The following MARCHF1 variants were observed in gnomAD, a reference collection of about 807,000 sequenced individuals.
MARCHF1 encodes the protein membrane associated ring-CH-type finger 1.
A neutral mutation model predicts 54.2 loss-of-function variants in MARCHF1; 40 were observed. The observed-to-expected ratio is 0.74, with a 90% CI of 0.57 to 0.96. The LOEUF is 0.96. MARCHF1 is among the 40% of genes least tolerant of loss of function. The pLI, the probability that MARCHF1 is intolerant of heterozygous loss-of-function variation, is 0.00. For missense variants in MARCHF1, 586 were observed against 656.5 expected, an observed-to-expected ratio of 0.89 and a Z score of 1.17; for synonymous variants, 236 against 236.3, an observed-to-expected ratio of 1.00 and a Z score of 0.01.
In MARCHF1 at chr4:163,701,360, T is replaced by G. The variant is rs956738519; in HGVS notation, c.112-497A>C. 7.9e-5 allele frequency among the ~76,000 whole-genome samples: 12 copies of G among 152,296 alleles called. No homozygotes were observed. In the East Asian group the frequency reaches 2.3e-3, roughly 29 times the overall value. On this transcript the variant is annotated intron_variant, in intron 4 of 9. Coordinates refer to ENST00000514618, the MANE Select transcript of MARCHF1 (RefSeq NM_001394959.1). ...TTTACATACTCTGAAATTAAAACAT[T>G]TACTTTTTAAAATTTAAGATGCTTC... is the stretch of plus-strand genomic sequence containing the variant.
chr4:163,967,558 G>C (rs768665509), intron 3 of MARCHF1, among the ~76,000 whole-genome samples: 2 of 152,040 alleles, frequency 1.3e-5, no homozygotes, highest in Admixed American at 6.6e-5. Context: ...CCAGTTTCTC[G>C]GGTTCCCTTT....
intron 5 of MARCHF1, among the ~76,000 whole-genome samples, chr4:163,620,648 C>G (rs991496812): frequency 9.6e-5 from 14 of 145,106 alleles, no homozygotes; most frequent in African/African-American, 1.8e-4. Flanking sequence ...GAGAGAGAGA[C>G]ACGCACACAC....
chr4:163,890,124 C>T (rs1750628469), intron 3 of MARCHF1, among the ~76,000 whole-genome samples: 1 of 147,132 alleles, frequency 6.8e-6, no homozygotes, highest in South Asian at 2.1e-4. Flanking sequence ...TTAGTAGAGA[C>T]AGGGTTTCAC....
intron 3 of MARCHF1, among the ~76,000 whole-genome samples, chr4:163,929,997 A>C: frequency 8.0e-6 from 1 of 125,314 alleles, no homozygotes; most frequent in Admixed American, 9.0e-5. Context: ...TATATAATAT[A>C]TTATATATAA....
chr4:164,041,686 T>C (rs978354724), intron 2 of MARCHF1, among the ~76,000 whole-genome samples: 9 of 152,166 alleles, frequency 5.9e-5, no homozygotes, highest in Non-Finnish European at 1.2e-4. Context: ...GGGAAAATAA[T>C]TATAAATGCT....
chr4:164,043,264 T>A (rs57299418), intron 2 of MARCHF1, among the ~76,000 whole-genome samples: 17,141 of 152,236 alleles, frequency 0.11, 1,098 homozygotes, highest in Middle Eastern at 0.22. Flanking sequence ...AGCAGACTTC[T>A]GCCTGGACAT....
chr4:163,765,336 C>T (rs562568066), intron 4 of MARCHF1, among the ~76,000 whole-genome samples: 1 of 152,006 alleles, frequency 6.6e-6, no homozygotes, highest in Non-Finnish European at 1.5e-5. Context: ...TATCAATGTA[C>T]AAAAGAAAAC....
At chr4:163,595,526 T>C (rs1348493075) in intron 7 of MARCHF1, among the ~76,000 whole-genome samples, 1 of 151,968 alleles carries the variant, frequency 6.6e-6, no homozygotes, top group Non-Finnish European at 1.5e-5. Flanking sequence ...CCAAAAAATG[T>C]GGTATATATA....
chr4:163,849,911 T>C (rs1209355051), intron 4 of MARCHF1, among the ~76,000 whole-genome samples: 1 of 152,136 alleles, frequency 6.6e-6, no homozygotes, highest in Non-Finnish European at 1.5e-5. Flanking sequence ...TACTAAGTTA[T>C]TACCTCTCGG....
At chr4:164,338,006 G>A (rs1229293513) in intron 1 of MARCHF1, among the ~76,000 whole-genome samples, 1 of 152,074 alleles carries the variant, frequency 6.6e-6, no homozygotes, top group Non-Finnish European at 1.5e-5. Flanking sequence ...TGCTCTCACA[G>A]AACTCTAATA....
At chr4:164,144,652 T>G (rs988997563) in intron 1 of MARCHF1, among the ~76,000 whole-genome samples, 1 of 136,262 alleles carries the variant, frequency 7.3e-6, no homozygotes, top group African/African-American at 3.1e-5. Flanking sequence ...TACCAGAATC[T>G]CTGGGACGCA....
intron 2 of MARCHF1, among the ~76,000 whole-genome samples, chr4:164,105,401 T>G (rs1013868201): frequency 6.6e-6 from 1 of 151,138 alleles, no homozygotes; most frequent in African/African-American, 2.4e-5. Context: ...AGCATGGTAC[T>G]GGTACCAAAA....
At chr4:163,611,012 T>C (rs1741321983) in intron 7 of MARCHF1, among the ~76,000 whole-genome samples, 1 of 151,974 alleles carries the variant, frequency 6.6e-6, no homozygotes, top group South Asian at 2.1e-4. Context: ...ACTTAGAGAG[T>C]TTTTGTCTCA....
chr4:163,553,520 AG>A (rs1466662708), intron 8 of MARCHF1, among the ~76,000 whole-genome samples: 3 of 152,246 alleles, frequency 2.0e-5, no homozygotes, highest in Non-Finnish European at 4.4e-5. Flanking sequence ...AACAAAGATA[AG>A]AAGGGTTATT....
intron 7 of MARCHF1, among the ~76,000 whole-genome samples, chr4:163,596,549 A>G (rs887572982): frequency 2.7e-5 from 4 of 149,988 alleles, no homozygotes; most frequent in African/African-American, 9.7e-5. Context: ...AAAAAAAAAA[A>G]AAAAAAAAAA....
At chr4:163,783,870 C>G (rs1399433313) in intron 4 of MARCHF1, among the ~76,000 whole-genome samples, 3 of 152,158 alleles carry the variant, frequency 2.0e-5, no homozygotes, top group African/African-American at 7.2e-5. Context: ...CCAGCTATTT[C>G]TCCTAGAACT....
At chr4:163,586,948 C>T (rs1308498371) in intron 7 of MARCHF1, among the ~76,000 whole-genome samples, 1 of 152,006 alleles carries the variant, frequency 6.6e-6, no homozygotes, top group Non-Finnish European at 1.5e-5. Flanking sequence ...AACAAATGGT[C>T]TAAACTGTCA....
At chr4:163,743,429 G>C in intron 4 of MARCHF1, among the ~76,000 whole-genome samples, 1 of 152,198 alleles carries the variant, frequency 6.6e-6, no homozygotes, top group Non-Finnish European at 1.5e-5. Context: ...TGCTCTATGA[G>C]AGAAATGTAA....
chr4:163,975,723 T>C (rs550883256), intron 3 of MARCHF1, among the ~76,000 whole-genome samples: 13 of 152,312 alleles, frequency 8.5e-5, no homozygotes, highest in East Asian at 1.9e-4. Context: ...GCATCTCTGA[T>C]TGGCCTCCTC....
Sources: allele counts gnomAD v4.1 joint callset (sites outside exome capture counted in the v4.1 genomes callset), GRCh38; gene constraint gnomAD v4.1.1; transcripts MANE v1.5; gene names NCBI Gene and HGNC (gene_info 2026-07-23, HGNC 2026-07-21).